The following CCDC171 variants were observed in gnomAD, a reference collection of about 807,000 sequenced individuals.
CCDC171 encodes coiled-coil domain-containing protein 171.
In CCDC171, 177 loss-of-function variants were observed where a neutral mutation model predicts 168.2. The ratio of observed to expected loss-of-function variants is 1.05; its 90% CI spans 0.93 to 1.19. The LOEUF is 1.19. Ranked by LOEUF, CCDC171 falls within the 50% of genes most tolerant of loss-of-function variation. The probability of loss-of-function intolerance (pLI) is 0.00; values close to 1 mark genes in which losing one functional copy is unlikely to be tolerated. For missense variants in CCDC171, 1,991 were observed against 1,539.0 expected, an observed-to-expected ratio of 1.29 and a Z score of -4.91; for synonymous variants, 687 against 540.8, an observed-to-expected ratio of 1.27 and a Z score of -3.75.
chr9:15,893,047 T>G (rs1208432259), intron 24 of CCDC171, among the ~76,000 whole-genome samples: 1 of 152,102 alleles, frequency 6.6e-6, no homozygotes, highest in Non-Finnish European at 1.5e-5. Context: ...ATTACAAGGC[T>G]ACAGTAATCA....
intron 24 of CCDC171, among the ~76,000 whole-genome samples, chr9:15,891,303 C>A (rs1324980059): frequency 6.6e-6 from 1 of 152,112 alleles, no homozygotes; most frequent in African/African-American, 2.4e-5. Context: ...ATGGATTGAG[C>A]AGTTTTTCTT....
chr9:15,953,647 G>GATAC (rs1479197785), intron 25 of CCDC171, among the ~76,000 whole-genome samples: 3 of 152,024 alleles, frequency 2.0e-5, no homozygotes, highest in Non-Finnish European at 2.9e-5. Flanking sequence ...CTTTTCTTGT[G>GATAC]ATACATTTGT....
At position 15,594,082 on chromosome 9, in the gene CCDC171, G is replaced by A. The variant is rs200520878; in HGVS notation, c.585G>A (p.Glu195=). The A allele has an allele frequency of 7.6e-6, 12 of 1,578,910 alleles. No individual in the cohort carries two copies. Among genetic ancestry groups the A allele is most frequent in the Middle Eastern group, 1.7e-4 (1 of 5,984 alleles). ...EKHQREKNEM[E]SHIRETALEE... ...ATCAACGGGAGAAGAATGAGATGGA[G>A]TCTCATATCAGGGAGACAGCATTGG... is the stretch of plus-strand genomic sequence containing the variant. The change falls in exon 6 of 26, where the codon GAG becomes GAA. Residue 195 remains glutamate (E), a synonymous_variant. Transcript: ENST00000380701.
chr9:15,846,884 G>A (rs2060920289), intron 22 of CCDC171, 37 bp downstream of exon 22: 1 of 1,558,706 alleles, frequency 6.4e-7, no homozygotes, highest in East Asian at 2.3e-5. Flanking sequence ...ACTTAAAACA[G>A]ACAAAAGATC....
At chr9:16,002,913 G>A (rs1046867776) in intron 3 of CCDC171, among the ~76,000 whole-genome samples, 1 of 152,192 alleles carries the variant, frequency 6.6e-6, no homozygotes, top group East Asian at 1.9e-4. Context: ...TAGCCTAGAA[G>A]CTGTAGGCTA....
At chr9:15,802,893 T>C (rs1429088896) in intron 21 of CCDC171, among the ~76,000 whole-genome samples, 1 of 152,160 alleles carries the variant, frequency 6.6e-6, no homozygotes, top group African/African-American at 2.4e-5. Flanking sequence ...AATGTTCCTT[T>C]TTCTCAACAA....
In CCDC171 at chr9:15,727,953, A is replaced by G. The variant is rs1430180155; in HGVS notation, c.1777A>G (p.Lys593Glu). The stretch of plus-strand genomic sequence containing the variant: ...AAAACAACCAGAAGGCATGCTGGAT[A>G]AATTCTCTTGGTCTGAGCTTTGTGC... ...LIKQPEGMLD[K>E]FSWSELCAVL... The change falls in exon 15 of 26, where the codon AAA (lysine) becomes GAA (glutamate). Residue 593 changes from lysine to glutamate, a missense_variant. Lys to Glu is a moderately conservative substitution (Grantham distance 56, BLOSUM62 1). Coordinates refer to ENST00000380701, the MANE Select transcript of CCDC171 (RefSeq NM_173550.4). 1 of 1,613,506 alleles carries G rather than the reference A, an allele frequency of 6.2e-7. No homozygotes were observed. The highest frequency in any genetic ancestry group is 1.1e-5 in the South Asian group (1 of 91,030).
chr9:15,590,783 T>TTCTTTC (rs1554693088), intron 4 of CCDC171, among the ~76,000 whole-genome samples: 1 of 114,144 alleles, frequency 8.8e-6, no homozygotes, highest in African/African-American at 3.1e-5. Flanking sequence ...CTTTCTTTCT[T>TTCTTTC]TCTTTCTTTC....
At chr9:15,725,834 A>G (rs1365977033) in intron 14 of CCDC171, among the ~76,000 whole-genome samples, 2 of 152,188 alleles carry the variant, frequency 1.3e-5, no homozygotes, top group African/African-American at 4.8e-5. Context: ...TGTTAATAAA[A>G]ATTTAGAAAA....
chr9:16,001,573 A>G (rs1485226900), intron 3 of CCDC171, among the ~76,000 whole-genome samples: 2 of 152,170 alleles, frequency 1.3e-5, no homozygotes, highest in Non-Finnish European at 2.9e-5. Flanking sequence ...CTGCATAACA[A>G]CATTTCAGTC....
chr9:15,991,932 A>G (rs1029028886), intron 3 of CCDC171, among the ~76,000 whole-genome samples: 2 of 152,250 alleles, frequency 1.3e-5, no homozygotes, highest in Non-Finnish European at 2.9e-5. Context: ...TTGAGGCAAT[A>G]ATTAATAGCC....
chr9:15,677,930 G>C (rs1490971025), intron 9 of CCDC171, among the ~76,000 whole-genome samples: 1 of 30,894 alleles, frequency 3.2e-5, no homozygotes, highest in Non-Finnish European at 6.3e-5. Flanking sequence ...ATATATAAGA[G>C]ATGTGGTCTC....
chr9:15,593,352 GAT>G (rs1286739674), intron 5 of CCDC171, among the ~76,000 whole-genome samples: 1 of 152,082 alleles, frequency 6.6e-6, no homozygotes, highest in Non-Finnish European at 1.5e-5. Context: ...ATGTTTTTAA[GAT>G]ACTAAACCGA....
chr9:15,795,557 G>T (rs1180805620), intron 21 of CCDC171, among the ~76,000 whole-genome samples: 2 of 152,204 alleles, frequency 1.3e-5, no homozygotes, highest in African/African-American at 4.8e-5. Context: ...ACCAAATGAT[G>T]AGAAGGAGCT....
chr9:15,716,619 G>C (rs1319012408), intron 11 of CCDC171, among the ~76,000 whole-genome samples: 2 of 152,144 alleles, frequency 1.3e-5, no homozygotes, highest in Non-Finnish European at 2.9e-5. Context: ...ATTTCTTACA[G>C]TTCTGGAGGC....
At chr9:15,789,244 C>T (rs1369995291) in intron 21 of CCDC171, among the ~76,000 whole-genome samples, 2 of 152,104 alleles carry the variant, frequency 1.3e-5, no homozygotes, top group Non-Finnish European at 2.9e-5. Context: ...ATTTGGGATG[C>T]TCAACCAGTA....
intron 6 of CCDC171, among the ~76,000 whole-genome samples, chr9:15,605,706 A>G (rs1017941367): frequency 6.6e-6 from 1 of 151,840 alleles, no homozygotes; most frequent in Non-Finnish European, 1.5e-5. Context: ...AAGAAAAAAA[A>G]AAGTCCCTAA....
At chr9:15,966,469 G>C (rs548715068) in intron 25 of CCDC171, among the ~76,000 whole-genome samples, 26 of 152,300 alleles carry the variant, frequency 1.7e-4, no homozygotes, top group African/African-American at 5.3e-4. Flanking sequence ...CAAAACCATT[G>C]ATCCAATCAA....
chr9:15,879,294 C>T (rs1177101352), intron 24 of CCDC171, among the ~76,000 whole-genome samples: 1 of 151,876 alleles, frequency 6.6e-6, no homozygotes, highest in African/African-American at 2.4e-5. Context: ...CAGTTTTTTT[C>T]ACTTTTTTTC....
Sources: allele counts gnomAD v4.1 joint callset (sites outside exome capture counted in the v4.1 genomes callset), GRCh38; gene constraint gnomAD v4.1.1; transcripts MANE v1.5; gene names NCBI Gene and HGNC (gene_info 2026-07-23, HGNC 2026-07-21).